Variants in HECW2 observed in about 807,000 individuals in gnomAD.
HECW2 encodes E3 ubiquitin-protein ligase HECW2.
A neutral mutation model predicts 175.2 loss-of-function variants in HECW2; 61 were observed. That is an observed-to-expected ratio of 0.35 (90% CI 0.28 to 0.43). HECW2 has a LOEUF of 0.43. Among genes scored for constraint, HECW2 ranks in the 20% least tolerant of loss-of-function variants. HECW2 has a pLI of 1.00. For missense variants in HECW2, 1,524 were observed against 2,000.5 expected, an observed-to-expected ratio of 0.76 and a Z score of 4.54; for synonymous variants, 671 against 731.0, an observed-to-expected ratio of 0.92 and a Z score of 1.32.
intron 1 of HECW2, among the ~76,000 whole-genome samples, chr2:196,486,617 G>A (rs1281070237): frequency 6.6e-6 from 1 of 152,112 alleles, no homozygotes; most frequent in African/African-American, 2.4e-5. Flanking sequence ...GACAGAAATG[G>A]GAAGAAGACA....
chr2:196,490,885 T>C (rs1245922279), intron 1 of HECW2, among the ~76,000 whole-genome samples: 1 of 151,612 alleles, frequency 6.6e-6, no homozygotes, highest in African/African-American at 2.4e-5. Context: ...ATTCTAGTTA[T>C]AAGAAATATT....
At chr2:196,469,120 C>CGTGCGT in intron 1 of HECW2, among the ~76,000 whole-genome samples, 1 of 144,828 alleles carries the variant, frequency 6.9e-6, no homozygotes, top group East Asian at 2.0e-4. Flanking sequence ...TGTGTGTGTG[C>CGTGCGT]GTGTGTGTGT....
In HECW2 at chr2:196,319,592, G is replaced by A. The variant is rs1691859500; in HGVS notation, c.1298C>T (p.Thr433Ile). 2 of 1,614,230 alleles carry A rather than the reference G, an allele frequency of 1.2e-6. No homozygotes were observed. The highest frequency in any genetic ancestry group is 1.7e-6 in the Non-Finnish European group (2 of 1,180,032). The change falls in exon 9 of 29, where the codon ACA becomes ATA. Residue 433 changes from threonine (T) to isoleucine (I), a missense_variant. Thr to Ile is a moderately conservative substitution (Grantham distance 89, BLOSUM62 -1). Transcript: ENST00000644978. ...IEHNGHSRPG[T>I]ATCSERSMGA... ...CATGGACCTCTCAGAGCAGGTCGCT[G>A]TCCCCGGCCTGGAGTGGCCATTGTG...
intron 17 of HECW2, among the ~76,000 whole-genome samples, chr2:196,267,482 C>T (rs895087479): frequency 6.6e-6 from 1 of 151,254 alleles, no homozygotes; most frequent in Non-Finnish European, 1.5e-5. Flanking sequence ...GTGGTACTGA[C>T]GTTTGGAAGC....
Position 196,220,109 on chromosome 2 carries a change from C to T in HECW2, c.4338G>A (p.Leu1446=), listed in dbSNP as rs778658813. 7.4e-6 allele frequency: 12 copies of T among 1,613,578 alleles called. No individual in the cohort carries two copies. In the African/African-American group the frequency reaches 1.6e-4, roughly 22 times the overall value. ...RLVSVFDARE[L]ELVIAGTAEI... ...CAGCTGTGCCTGCGATGACCAATTC[C>T]AGTTCTCTTGCATCAAAAACAGATA... is the stretch of plus-strand genomic sequence containing the variant. Residue 1446 remains leucine (L), a synonymous_variant, in exon 26 of 29, where the codon CTG becomes CTA. Transcript: ENST00000644978.
At chr2:196,335,670 T>C (rs17240222) in intron 3 of HECW2, among the ~76,000 whole-genome samples, 6,500 of 152,324 alleles carry the variant, frequency 0.043, 197 homozygotes, top group Middle Eastern at 0.071. Context: ...CATTACACTC[T>C]TCCTACCAAT....
chr2:196,216,201 A>G (rs1687469021), intron 27 of HECW2, among the ~76,000 whole-genome samples: 2 of 152,188 alleles, frequency 1.3e-5, no homozygotes, highest in Non-Finnish European at 2.9e-5. Flanking sequence ...GGGGATGTGG[A>G]GGGTTTGTAG....
At chr2:196,541,813 C>A (rs1284435752) in intron 1 of HECW2, among the ~76,000 whole-genome samples, 1 of 151,862 alleles carries the variant, frequency 6.6e-6, no homozygotes, top group African/African-American at 2.4e-5. Flanking sequence ...CAAACTCCTT[C>A]CAACACCTGA....
intron 19 of HECW2, among the ~76,000 whole-genome samples, chr2:196,251,032 C>T (rs1208237516): frequency 1.3e-5 from 2 of 152,108 alleles, no homozygotes; most frequent in Non-Finnish European, 2.9e-5. Context: ...CAGATCTCAT[C>T]CTTCTTGATG....
intron 1 of HECW2, among the ~76,000 whole-genome samples, chr2:196,545,208 C>G (rs1689370229): frequency 6.6e-6 from 1 of 152,218 alleles, no homozygotes; most frequent in South Asian, 2.1e-4. Context: ...AATTTTACCT[C>G]TGGGAACCAT....
intron 17 of HECW2, 39 bp downstream of exon 17, chr2:196,271,154 G>A (rs769059693): frequency 8.6e-7 from 1 of 1,168,422 alleles, no homozygotes; most frequent in South Asian, 1.2e-5. Context: ...AATGGTTTGT[G>A]CTTATGCAAC....
chr2:196,395,921 T>C (rs1477286111), intron 2 of HECW2, among the ~76,000 whole-genome samples: 1 of 152,204 alleles, frequency 6.6e-6, no homozygotes, highest in Non-Finnish European at 1.5e-5. Flanking sequence ...AACAGGTATC[T>C]GTATGCCCAC....
intron 2 of HECW2, among the ~76,000 whole-genome samples, chr2:196,429,747 C>G (rs1695653198): frequency 6.6e-6 from 1 of 151,862 alleles, no homozygotes. Context: ...CATAGCAGTT[C>G]TGCTGAGCTT....
intron 1 of HECW2, among the ~76,000 whole-genome samples, chr2:196,490,879 T>C (rs1687162232): frequency 6.6e-6 from 1 of 151,434 alleles, no homozygotes; most frequent in South Asian, 2.1e-4. Flanking sequence ...TGTATGATTC[T>C]AGTTATAAGA....
chr2:196,269,315 T>G (rs532756853), intron 17 of HECW2: 1 of 151,676 alleles, frequency 6.6e-6, no homozygotes, highest in African/African-American at 2.4e-5. Flanking sequence ...TGAAATCCCG[T>G]CTCTACTAAA....
At position 196,209,921 on chromosome 2, in the gene HECW2, G is replaced by A. The variant is rs541748223; in HGVS notation, c.4607+5944C>T. Among the ~76,000 whole-genome samples, 59 of 152,146 alleles carry A rather than the reference G, an allele frequency of 3.9e-4. No homozygotes were observed. In the South Asian group the frequency reaches 9.1e-3, roughly 24 times the overall value. On this transcript the variant is annotated intron_variant, in intron 28 of 28. Transcript: ENST00000644978. Reference sequence around the variant, plus strand: ...TGGGGCTACAGGCGCCCACCACCACGCCCGGCCAACTTTTTGTATTTTTAG... The same window carrying A: ...TGGGGCTACAGGCGCCCACCACCACACCCGGCCAACTTTTTGTATTTTTAG...
rs114604119 is a variant in HECW2, at chr2:196,344,065, G to C, written c.293-301C>G. On this transcript the variant is annotated intron_variant, in intron 2 of 28. Transcript: ENST00000644978. ...ACAACTGCTACAACTTTAGCTATGA[G>C]CTGATTTATAACAAAGGGGTTGGGT... is the stretch of plus-strand genomic sequence containing the variant. 5.6e-3 allele frequency among the ~76,000 whole-genome samples: 858 copies of C among 152,214 alleles called. 6 individuals are homozygous for C. Among genetic ancestry groups the C allele is most frequent in the Non-Finnish European group, 8.2e-3 (561 of 68,006 alleles).
chr2:196,566,699 A>ATTTTTTTTTTTTTTTTTTTTT (rs58391487), intron 1 of HECW2, among the ~76,000 whole-genome samples: 1 of 94,206 alleles, frequency 1.1e-5, no homozygotes, highest in Non-Finnish European at 2.0e-5. Context: ...CACCCAGCTA[A>ATTTTTTTTTTTTTTTTTTTTT]TTTTTTTTTT....
intron 1 of HECW2, among the ~76,000 whole-genome samples, chr2:196,590,125 G>T (rs1691132736): frequency 6.6e-6 from 1 of 152,096 alleles, no homozygotes; most frequent in South Asian, 2.1e-4. Context: ...AAAAATTCAG[G>T]ATTCCTTAAT....
Sources: allele counts gnomAD v4.1 joint callset (sites outside exome capture counted in the v4.1 genomes callset), GRCh38; gene constraint gnomAD v4.1.1; transcripts MANE v1.5; gene names NCBI Gene and HGNC (gene_info 2026-07-23, HGNC 2026-07-21).